DYNC1I1: variants seen among roughly 807,000 people sequenced by gnomAD.
The protein encoded by DYNC1I1 is dynein cytoplasmic 1 intermediate chain 1, also known as cytoplasmic dynein 1 intermediate chain 1.
Under a neutral mutation model 86.6 loss-of-function variants are expected in DYNC1I1, and 43 were observed. The ratio of observed to expected loss-of-function variants is 0.50; its 90% confidence interval spans 0.39 to 0.64. The LOEUF is 0.64. Among genes scored for constraint, DYNC1I1 ranks in the 30% least tolerant of loss-of-function variants. DYNC1I1 has a pLI of 0.00. For missense variants in DYNC1I1, 604 were observed against 788.8 expected (o/e 0.77, Z 2.81); for synonymous variants, 262 against 283.7 (o/e 0.92, Z 0.77).
chr7:95,931,916 G>A (rs983226553), intron 6 of DYNC1I1, among the ~76,000 whole-genome samples: 5 of 152,122 alleles, frequency 3.3e-5, no homozygotes, highest in Admixed American at 1.3e-4. Context: ...AGTCTAACTT[G>A]CTGCCAGCGT....
At chr7:96,037,601 A>G (rs901587244) in intron 13 of DYNC1I1, among the ~76,000 whole-genome samples, 5 of 151,250 alleles carry the variant, frequency 3.3e-5, no homozygotes, top group Non-Finnish European at 5.9e-5. Context: ...TTGATTATCT[A>G]CGAAGGCTAT....
chr7:95,886,037 T>C (rs900576572), intron 6 of DYNC1I1, among the ~76,000 whole-genome samples: 2 of 152,198 alleles, frequency 1.3e-5, no homozygotes, highest in Non-Finnish European at 2.9e-5. Flanking sequence ...CAGCTATCCT[T>C]TATTGAGCTA....
chr7:95,807,417 G>C (rs1416912176), intron 2 of DYNC1I1, among the ~76,000 whole-genome samples: 1 of 152,094 alleles, frequency 6.6e-6, no homozygotes, highest in Non-Finnish European at 1.5e-5. Flanking sequence ...CAGTTTCCCA[G>C]ATCAGAAACC....
At chr7:95,914,888 A>G (rs1337526629) in intron 6 of DYNC1I1, among the ~76,000 whole-genome samples, 1 of 152,196 alleles carries the variant, frequency 6.6e-6, no homozygotes, top group African/African-American at 2.4e-5. Flanking sequence ...CTAAAAGGGA[A>G]ACTGAGCAAA....
chr7:96,065,602 G>A (rs1010420444), intron 14 of DYNC1I1, among the ~76,000 whole-genome samples: 4 of 152,038 alleles, frequency 2.6e-5, no homozygotes, highest in African/African-American at 9.7e-5. Context: ...TGCCCAGGCT[G>A]GTCTCAAACT....
intron 1 of DYNC1I1, among the ~76,000 whole-genome samples, chr7:95,775,016 GC>G (rs1793806685): frequency 6.6e-6 from 1 of 152,192 alleles, no homozygotes. Flanking sequence ...GATAACAGTA[GC>G]TAAAATATAT....
chr7:95,962,508 T>C (rs1040883399), intron 6 of DYNC1I1, among the ~76,000 whole-genome samples: 2 of 152,204 alleles, frequency 1.3e-5, no homozygotes, highest in Non-Finnish European at 2.9e-5. Context: ...TGCACATTTT[T>C]GTGGCTGGGT....
intron 5 of DYNC1I1, among the ~76,000 whole-genome samples, chr7:95,841,330 A>G (rs2116014418): frequency 6.6e-6 from 1 of 152,322 alleles, no homozygotes; most frequent in East Asian, 1.9e-4. Context: ...GCTCCAAGAA[A>G]CAGGCAAGTC....
intron 1 of DYNC1I1, among the ~76,000 whole-genome samples, chr7:95,779,757 A>G (rs148351499): frequency 3.3e-5 from 5 of 152,280 alleles, no homozygotes; most frequent in African/African-American, 9.6e-5. Flanking sequence ...TCCTTTTCTT[A>G]TAAGACTGAG....
intron 10 of DYNC1I1, 130 bp from the exon 11 acceptor site, chr7:96,028,045 C>T (rs1794722702): frequency 7.5e-7 from 1 of 1,329,482 alleles, no homozygotes; most frequent in African/African-American, 1.5e-5. Flanking sequence ...TTTTACAGTC[C>T]CAGCTTTAAA....
At chr7:95,836,660 C>T (rs1335141215) in intron 5 of DYNC1I1, among the ~76,000 whole-genome samples, 2 of 151,932 alleles carry the variant, frequency 1.3e-5, no homozygotes, top group Non-Finnish European at 1.5e-5. Flanking sequence ...GGAGGCTTTG[C>T]TCATTTCTTT....
intron 10 of DYNC1I1, among the ~76,000 whole-genome samples, chr7:96,004,706 G>T (rs886716981): frequency 6.6e-6 from 1 of 150,972 alleles, no homozygotes; most frequent in Non-Finnish European, 1.5e-5. Flanking sequence ...CTAGTCAAAA[G>T]CTATATTTCA....
intron 6 of DYNC1I1, among the ~76,000 whole-genome samples, chr7:95,934,289 G>T (rs541011093): frequency 7.6e-4 from 116 of 152,210 alleles, no homozygotes; most frequent in African/African-American, 2.6e-3. Context: ...ACACTATTAG[G>T]TACTAGGGGT....
At chr7:96,072,058 T>C (rs1353185557) in intron 14 of DYNC1I1, among the ~76,000 whole-genome samples, 1 of 152,232 alleles carries the variant, frequency 6.6e-6, no homozygotes, top group Non-Finnish European at 1.5e-5. Context: ...GTAATTTTCT[T>C]TTCTGTAAAT....
chr7:95,796,095 A>G (rs1482448383), intron 1 of DYNC1I1, among the ~76,000 whole-genome samples: 1 of 152,080 alleles, frequency 6.6e-6, no homozygotes, highest in African/African-American at 2.4e-5. Context: ...GAATAAAAAA[A>G]ATCACACAAA....
chr7:95,881,516 C>A (rs1790454319), intron 6 of DYNC1I1, among the ~76,000 whole-genome samples: 1 of 152,200 alleles, frequency 6.6e-6, no homozygotes. Context: ...GACTGAAAAC[C>A]TTTCCTTTGC....
At chr7:95,882,273 T>C (rs1005692380) in intron 6 of DYNC1I1, among the ~76,000 whole-genome samples, 3 of 152,200 alleles carry the variant, frequency 2.0e-5, no homozygotes, top group Non-Finnish European at 4.4e-5. Context: ...TGCCGAAGAC[T>C]GAGAAAAGTT....
intron 10 of DYNC1I1, 67 bp downstream of exon 10, chr7:95,996,140 G>A: frequency 1.9e-6 from 3 of 1,602,930 alleles, no homozygotes; most frequent in Non-Finnish European, 2.6e-6. Context: ...GTGCTGCATT[G>A]CATCTGTCTT....
chr7:96,021,577 A>G (rs574245043), intron 10 of DYNC1I1, among the ~76,000 whole-genome samples: 1 of 152,276 alleles, frequency 6.6e-6, no homozygotes, highest in Admixed American at 6.5e-5. Context: ...TTTTTTTAGT[A>G]TATTCACAAA....
Sources: gnomAD v4.1 joint callset for allele counts (sites outside exome capture counted in the v4.1 genomes callset) on GRCh38, gnomAD v4.1.1 for gene constraint, MANE v1.5 for transcripts, NCBI Gene and HGNC (gene_info 2026-07-23, HGNC 2026-07-21) for gene names.